Variants in ASIC2 observed in about 807,000 individuals in gnomAD.
ASIC2 encodes acid-sensing ion channel 2.
In ASIC2, 25 loss-of-function variants were observed where a neutral mutation model predicts 57.3. The observed-to-expected ratio is 0.44, with a 90% CI of 0.32 to 0.61. The LOEUF (loss-of-function observed/expected upper bound fraction) is 0.61. Ranked by LOEUF, ASIC2 falls within the 20% of genes least tolerant of loss-of-function variation. ASIC2 has a pLI of 0.06. For synonymous variants in ASIC2, 319 were observed against 307.5 expected, an observed-to-expected ratio of 1.04 and a Z score of -0.39; for missense variants, 641 against 738.1, an observed-to-expected ratio of 0.87 and a Z score of 1.52.
intron 1 of ASIC2, among the ~76,000 whole-genome samples, chr17:33,594,636 G>C (rs552448873): frequency 6.6e-6 from 1 of 152,110 alleles, no homozygotes; most frequent in South Asian, 2.1e-4. Context: ...AGACCATCCT[G>C]GCTAACACGG....
intron 1 of ASIC2, among the ~76,000 whole-genome samples, chr17:33,870,471 C>T (rs1051988349): frequency 6.6e-5 from 10 of 151,862 alleles, no homozygotes; most frequent in African/African-American, 2.4e-4. Context: ...AGCTGACAGG[C>T]ATTTAGAGGG....
chr17:33,131,913 G>GA (rs964343027), intron 1 of ASIC2, among the ~76,000 whole-genome samples: 10 of 152,040 alleles, frequency 6.6e-5, no homozygotes, highest in Middle Eastern at 3.4e-3. Flanking sequence ...GTGGGGAGGG[G>GA]AAAAAAAATC....
At chr17:33,561,773 C>T (rs8080786) in intron 1 of ASIC2, among the ~76,000 whole-genome samples, 70,193 of 152,070 alleles carry the variant, frequency 0.46, 16,339 homozygotes, top group South Asian at 0.53. Context: ...GAAAGCCCAG[C>T]GGGAATTGCT....
intron 1 of ASIC2, among the ~76,000 whole-genome samples, chr17:33,918,382 T>C (rs985272195): frequency 1.3e-5 from 2 of 152,192 alleles, no homozygotes; most frequent in Non-Finnish European, 2.9e-5. Flanking sequence ...TATTTATCCT[T>C]GCATCCCCAA....
At chr17:33,117,590 C>G (rs554714639) in intron 1 of ASIC2, among the ~76,000 whole-genome samples, 1 of 152,308 alleles carries the variant, frequency 6.6e-6, no homozygotes, top group South Asian at 2.1e-4. Flanking sequence ...GGTAGCAGAG[C>G]TGAGACTCAT....
intron 1 of ASIC2, among the ~76,000 whole-genome samples, chr17:33,646,240 C>A (rs1025823124): frequency 6.6e-5 from 10 of 152,212 alleles, no homozygotes; most frequent in African/African-American, 2.2e-4. Flanking sequence ...TCTCTGAAGC[C>A]TGATATAGAT....
intron 1 of ASIC2, among the ~76,000 whole-genome samples, chr17:33,721,910 C>G (rs750013083): frequency 6.6e-6 from 1 of 152,056 alleles, no homozygotes; most frequent in Non-Finnish European, 1.5e-5. Flanking sequence ...AGTGACAAGG[C>G]GAGAGATGAA....
intron 1 of ASIC2, among the ~76,000 whole-genome samples, chr17:33,888,370 T>C (rs68085213): frequency 0.17 from 25,891 of 151,882 alleles, 2,337 homozygotes; most frequent in African/African-American, 0.24. Context: ...AAGTCAGAGG[T>C]AGGAGCGAGT....
chr17:33,376,707 A>G (rs1218903078), intron 1 of ASIC2, among the ~76,000 whole-genome samples: 1 of 152,172 alleles, frequency 6.6e-6, no homozygotes. Context: ...CCCTTCCTCT[A>G]TAAGCAGAAT....
chr17:34,039,977 C>A (rs541844555), intron 1 of ASIC2: 11 of 959,212 alleles, frequency 1.1e-5, no homozygotes, highest in Non-Finnish European at 1.6e-5. Flanking sequence ...AGGCCCGGGG[C>A]GGAGCCGGGG....
intron 1 of ASIC2, among the ~76,000 whole-genome samples, chr17:33,436,666 C>T (rs9913678): frequency 0.74 from 111,662 of 151,844 alleles, 41,582 homozygotes; most frequent in Middle Eastern, 0.79. Flanking sequence ...ACTTGAGTGA[C>T]AGTGTCAGTC....
intron 1 of ASIC2, among the ~76,000 whole-genome samples, chr17:33,696,126 T>A (rs969328279): frequency 1.3e-5 from 2 of 152,228 alleles, no homozygotes; most frequent in African/African-American, 4.8e-5. Flanking sequence ...CATACAAGAA[T>A]GTCTTCTGCA....
chr17:34,123,183 A>T (rs1911677076), intron 1 of ASIC2, among the ~76,000 whole-genome samples: 1 of 152,148 alleles, frequency 6.6e-6, no homozygotes, highest in African/African-American at 2.4e-5. Context: ...CTGGGCAGAC[A>T]ATCTGGTCTA....
intron 1 of ASIC2, among the ~76,000 whole-genome samples, chr17:33,691,775 T>C (rs1156262289): frequency 6.6e-6 from 1 of 152,202 alleles, no homozygotes; most frequent in Non-Finnish European, 1.5e-5. Flanking sequence ...AGGAAGGTTT[T>C]CCACATTAAC....
chr17:33,083,545 G>A (rs939388843), intron 3 of ASIC2, among the ~76,000 whole-genome samples: 2 of 152,234 alleles, frequency 1.3e-5, no homozygotes, highest in Non-Finnish European at 1.5e-5. Context: ...TAGGAAGGTG[G>A]CAGGATAAGA....
chr17:33,250,948 T>C (rs1257118193), intron 1 of ASIC2, among the ~76,000 whole-genome samples: 1 of 152,260 alleles, frequency 6.6e-6, no homozygotes, highest in Non-Finnish European at 1.5e-5. Flanking sequence ...AAAACATATT[T>C]ATGTGTATAC....
intron 1 of ASIC2, among the ~76,000 whole-genome samples, chr17:33,123,623 G>A (rs543900143): frequency 2.6e-5 from 4 of 152,292 alleles, no homozygotes; most frequent in Non-Finnish European, 5.9e-5. Flanking sequence ...CTTCTGGAAC[G>A]TTTCTTGGGC....
intron 1 of ASIC2, among the ~76,000 whole-genome samples, chr17:33,759,658 C>T (rs890532757): frequency 6.6e-6 from 1 of 152,168 alleles, no homozygotes; most frequent in African/African-American, 2.4e-5. Flanking sequence ...CTGAGGTCCT[C>T]ATGATGGCCT....
At chr17:33,130,163 T>G (rs2092340006) in intron 1 of ASIC2, among the ~76,000 whole-genome samples, 1 of 152,134 alleles carries the variant, frequency 6.6e-6, no homozygotes, top group Non-Finnish European at 1.5e-5. Flanking sequence ...TTAATAGGGG[T>G]TCAGCACAAA....
Sources: gnomAD v4.1 joint callset for allele counts (sites outside exome capture counted in the v4.1 genomes callset) on GRCh38, gnomAD v4.1.1 for gene constraint, MANE v1.5 for transcripts, NCBI Gene and HGNC (gene_info 2026-07-23, HGNC 2026-07-21) for gene names.